GAK: variants seen among roughly 807,000 people sequenced by gnomAD.
GAK encodes cyclin G associated kinase.
GAK carries 79 observed loss-of-function variants against 143.9 expected under a neutral mutation model. The observed-to-expected ratio is 0.55, with a 90% confidence interval of 0.46 to 0.66. GAK has a LOEUF of 0.66. GAK is among the 30% of genes least tolerant of loss of function. The pLI, the probability that GAK is intolerant of heterozygous loss-of-function variation, is 0.00. For synonymous variants in GAK, 881 were observed against 765.5 expected (o/e 1.15, Z -2.49); for missense variants, 1,693 against 1,779.7 (o/e 0.95, Z 0.88).
chr4:856,898 T>G (rs907763427), intron 24 of GAK, among the ~76,000 whole-genome samples: 1 of 152,244 alleles, frequency 6.6e-6, no homozygotes, highest in African/African-American at 2.4e-5. Context: ...CTAGACATGC[T>G]TGTTACCAAG....
intron 15 of GAK, among the ~76,000 whole-genome samples, chr4:878,011 C>G (rs1560337365): frequency 6.6e-6 from 1 of 152,006 alleles, no homozygotes; most frequent in Non-Finnish European, 1.5e-5. Flanking sequence ...ATTTTTAAGA[C>G]AGAGTCTTAA....
chr4:911,759 A>G lies in GAK; in HGVS notation c.296T>C (p.Val99Ala). 1 of 1,614,014 alleles carries G rather than the reference A, an allele frequency of 6.2e-7. No individual in the cohort carries two copies. The highest frequency in any genetic ancestry group is 8.5e-7 in the Non-Finnish European group (1 of 1,179,942). ...TATAGACGCTGCAGAACAAAACTGG[A>G]CAATGTTCGGGTGGCCGGAAAGCTT... ...MKKLSGHPNI[V>A]QFCSAASIGK... is the part of the protein sequence containing the mutation. The change falls in exon 4 of 28, where the codon GTC becomes GCC. Residue 99 changes from valine to alanine, a missense_variant. This residue lies in a region of GAK where 871 missense variants were observed against 991.0 expected (regional missense o/e 0.88). Coordinates refer to ENST00000314167, the MANE Select transcript of GAK (RefSeq NM_005255.4).
chr4:890,095 T>G (rs1174021642), intron 10 of GAK, among the ~76,000 whole-genome samples: 2 of 152,230 alleles, frequency 1.3e-5, no homozygotes, highest in African/African-American at 2.4e-5. Flanking sequence ...GGAAGGAACC[T>G]GGGATGCCCC....
At position 866,996 on chromosome 4, in the gene GAK, C is replaced by T. The variant is rs1251494400; in HGVS notation, c.2832G>A (p.Leu944=). The T allele has an allele frequency of 1.3e-6, 2 of 1,498,922 alleles. No individual in the cohort carries two copies. Among genetic ancestry groups the T allele is most frequent in the Non-Finnish European group, 1.8e-6 (2 of 1,124,392 alleles). The allele number at this position is 1,498,922 out of a possible 1,614,324, so 92.9% of individuals were successfully genotyped here. A position where few individuals can be genotyped will look rare whatever the true frequency, so the allele number is the denominator to read the frequency against. Reference sequence around the variant, plus strand: ...CTCCTCTTGGGGTGCTCTGCACGCTCAGGGGAGGGGCCGGGCTTGCCAGGA... The same window carrying T: ...CTCCTCTTGGGGTGCTCTGCACGCTTAGGGGAGGGGCCGGGCTTGCCAGGA... The part of the protein sequence containing the change: ...PLLLASPAPP[L]SVQSTPRGGP... The change falls in exon 21 of 28, where the codon CTG becomes CTA. Residue 944 remains leucine, a synonymous_variant. Coordinates refer to ENST00000314167, the MANE Select transcript of GAK (RefSeq NM_005255.4).
chr4:932,034 G>T lies in GAK; in HGVS notation c.145+9C>A. 1 of 1,569,180 alleles carries T rather than the reference G, an allele frequency of 6.4e-7. No individual in the cohort carries two copies. ...CGGCCGCACCCGCGCTGCCGACCCG[G>T]GGCCTCACCTTCGGCCAGGACCCGC... On this transcript the variant is annotated intron_variant, in intron 1 of 27. Coordinates refer to ENST00000314167, the MANE Select transcript of GAK (RefSeq NM_005255.4). This position sits in a 1 kb window ranked among gnomAD's most constrained non-coding sequence, Gnocchi z 4.0.
intron 24 of GAK, chr4:853,221 C>T (rs1359440708): frequency 6.6e-6 from 1 of 152,312 alleles, no homozygotes; most frequent in African/African-American, 2.4e-5. Context: ...GCCACTCCCC[C>T]TCCCTGCCAA....
intron 11 of GAK, chr4:886,948 G>A (rs1487838948): frequency 1.3e-5 from 2 of 152,394 alleles, no homozygotes; most frequent in African/African-American, 4.8e-5. Context: ...ACAAGGACAA[G>A]GCACACAGGT....
intron 20 of GAK, 65 bp from the exon 21 acceptor site, chr4:867,497 C>A: frequency 1.6e-6 from 2 of 1,223,142 alleles, no homozygotes; most frequent in Non-Finnish European, 2.3e-6. Flanking sequence ...GTCCCCACGG[C>A]GCGTCCCTTC....
Position 890,534 on chromosome 4 carries a change from C to T in GAK, c.1079G>A (p.Gly360Glu), listed in dbSNP as rs753581798. 7 of 1,606,182 alleles carry T rather than the reference C, an allele frequency of 4.4e-6. No individual in the cohort carries two copies. In the South Asian group the frequency reaches 7.8e-5, roughly 18 times the overall value. Residue 360 changes from glycine (G) to glutamate (E), a missense_variant and splice_region_variant, in exon 10 of 28, where the codon GGA (glycine) becomes GAA (glutamate). Physicochemically the swap from Gly to Glu is moderately conservative, Grantham distance 98. This residue lies in a region of GAK where 871 missense variants were observed against 991.0 expected (regional missense o/e 0.88). Coordinates refer to ENST00000314167, the MANE Select transcript of GAK (RefSeq NM_005255.4). ...CGGGCACAGGACAGGGCACTCACCTCCACTGTAGCCACTGCCAGCGGGGCC... is the reference window on the plus strand; with the variant it reads ...CGGGCACAGGACAGGGCACTCACCTTCACTGTAGCCACTGCCAGCGGGGCC... The part of the protein sequence containing the change: ...PVGPAGSGYS[G>E]GLALAEYDQP...
Position 866,959 on chromosome 4 carries a change from C to T in GAK, c.2869G>A (p.Ala957Thr), listed in dbSNP as rs143655919. 35 of 1,484,328 alleles carry T rather than the reference C, an allele frequency of 2.4e-5. No homozygotes were observed. Among genetic ancestry groups the T allele is most frequent in the African/African-American group, 9.9e-5 (7 of 70,718 alleles). 91.9% of individuals were successfully genotyped at this position (1,484,328 alleles called of 1,614,324 possible). A position where few individuals can be genotyped will look rare whatever the true frequency, so the allele number is the denominator to read the frequency against. ...QSTPRGGPPA[A>T]ADPFGPLLPS... is the part of the protein sequence containing the mutation. ...CCTTCAGAACAGAAACACGTACCAGCGGCAGGGGGCCCTCCTCTTGGGGTG... is the reference window on the plus strand; with the variant it reads ...CCTTCAGAACAGAAACACGTACCAGTGGCAGGGGGCCCTCCTCTTGGGGTG... The change falls in exon 21 of 28, where the codon GCT becomes ACT. Residue 957 changes from alanine (A) to threonine (T), a missense_variant. Transcript: ENST00000314167.
At chr4:896,333 GAC>G in intron 7 of GAK, 125 bp downstream of exon 7, 1 of 701,540 alleles carries the variant, frequency 1.4e-6, no homozygotes, top group Non-Finnish European at 2.5e-6. Context: ...AAGAAAAGGG[GAC>G]GGGAGGGGAA....
At chr4:928,273 G>A (rs1009346118) in intron 1 of GAK, among the ~76,000 whole-genome samples, 1 of 152,232 alleles carries the variant, frequency 6.6e-6, no homozygotes, top group African/African-American at 2.4e-5. Context: ...GGTCAGGCTG[G>A]TTTCGAACTC....
chr4:886,996 G>A (rs1716470407), intron 11 of GAK: 1 of 152,522 alleles, frequency 6.6e-6, no homozygotes, highest in Non-Finnish European at 1.5e-5. Flanking sequence ...CACACACAGA[G>A]GCACACAGCT....
At position 876,608 on chromosome 4, in the gene GAK, A is replaced by T; in HGVS notation, c.1976T>A (p.Met659Lys). ...AATCTGGAACATCTTCATGGATGCC[A>T]TCTGCAAAGAGAGCAAACACGACAC... ...STLGGRLQAK[M>K]ASMKMFQIQF... The change falls in exon 18 of 28, where the codon ATG becomes AAG. Residue 659 changes from methionine to lysine, a missense_variant and splice_region_variant. Transcript: ENST00000314167. 6.2e-7 allele frequency: 1 copy of T among 1,614,068 alleles called. No homozygotes were observed. Among genetic ancestry groups the T allele is most frequent in the Non-Finnish European group, 8.5e-7 (1 of 1,179,922 alleles).
At position 866,360 on chromosome 4, in the gene GAK, T is replaced by C; in HGVS notation, c.3043+4A>G. 1 of 1,613,692 alleles carries C rather than the reference T, an allele frequency of 6.2e-7. No individual in the cohort carries two copies. Among genetic ancestry groups the C allele is most frequent in the Non-Finnish European group, 8.5e-7 (1 of 1,179,836 alleles). ...GAGCTGGCTGCCAGGCGAGAGGCAC[T>C]TACCCAGGTGCAGGAAGTCGGCGCT... On this transcript the variant is annotated splice_donor_region_variant and intron_variant, in intron 22 of 27. Coordinates refer to ENST00000314167, the MANE Select transcript of GAK (RefSeq NM_005255.4).
At chr4:862,607 A>T (rs1750495079) in intron 23 of GAK, among the ~76,000 whole-genome samples, 1 of 152,060 alleles carries the variant, frequency 6.6e-6, no homozygotes, top group South Asian at 2.1e-4. Flanking sequence ...GCAGTGAGCC[A>T]AGATCACACC....
At chr4:928,084 GTC>G (rs1440210675) in intron 1 of GAK, among the ~76,000 whole-genome samples, 2 of 152,178 alleles carry the variant, frequency 1.3e-5, no homozygotes, top group Admixed American at 1.3e-4. Flanking sequence ...TTGAGATAGA[GTC>G]TCGCTCTGTC....
chr4:903,588 T>C (rs1257102844), intron 5 of GAK, among the ~76,000 whole-genome samples: 1 of 147,956 alleles, frequency 6.8e-6, no homozygotes, highest in Non-Finnish European at 1.5e-5. Flanking sequence ...ACTGGGGGGC[T>C]GAGGAAGGAG....
At chr4:905,172 C>T (rs771564511) in intron 4 of GAK, among the ~76,000 whole-genome samples, 27 of 152,166 alleles carry the variant, frequency 1.8e-4, no homozygotes, top group Non-Finnish European at 3.1e-4. Flanking sequence ...GTATTTGGAC[C>T]CGAGAAGATT....
Sources: gnomAD v4.1 joint callset for allele counts (sites outside exome capture counted in the v4.1 genomes callset) on GRCh38, gnomAD v4.1.1 for gene constraint, gnomAD v4.1.1 regional missense constraint, Gnocchi (gnomAD v3.1) non-coding constraint, MANE v1.5 for transcripts, NCBI Gene and HGNC (gene_info 2026-07-23, HGNC 2026-07-21) for gene names.